Variants in TOMM20L observed in about 807,000 individuals in gnomAD.
The protein encoded by TOMM20L is translocase of outer mitochondrial membrane 20 like.
In TOMM20L, 19 loss-of-function variants were observed where a neutral mutation model predicts 20.4. The ratio of observed to expected loss-of-function variants is 0.93; its 90% CI spans 0.65 to 1.36. The LOEUF (loss-of-function observed/expected upper bound fraction) is 1.36. Among genes scored for constraint, TOMM20L ranks in the 40% most tolerant of loss-of-function variants. The pLI is 0.00. For synonymous variants in TOMM20L, 75 were observed against 79.6 expected, an observed-to-expected ratio of 0.94 and a Z score of 0.30; for missense variants, 218 against 203.7, an observed-to-expected ratio of 1.07 and a Z score of -0.43.
In TOMM20L at chr14:58,407,079, CAAGAGTATACTTCTAAACAGT is replaced by C. The variant is rs1460745320; in HGVS notation, c.263-234_263-214del. Among the ~76,000 whole-genome samples, 4 of 152,298 alleles carry C rather than the reference CAAGAGTATACTTCTAAACAGT, an allele frequency of 2.6e-5. No homozygotes were observed. In the South Asian group the frequency reaches 6.2e-4, roughly 24 times the overall value. On this transcript the variant is annotated intron_variant, in intron 3 of 4. Coordinates refer to ENST00000360945, the MANE Select transcript of TOMM20L (RefSeq NM_207377.3). ...TTATAGAACACGAGCATTTCCAATG[CAAGAGTATACTTCTAAACAGT>C]AAGAGTATACTTGCTGTAATTTGGC... is the stretch of plus-strand genomic sequence containing the variant.
intron 3 of TOMM20L, among the ~76,000 whole-genome samples, chr14:58,403,028 A>G (rs1291341124): frequency 1.3e-5 from 2 of 152,214 alleles, no homozygotes; most frequent in Non-Finnish European, 2.9e-5. Flanking sequence ...TAAAATTCTA[A>G]GTCAGTGAGT....
At position 58,408,651 on chromosome 14, in the gene TOMM20L, G is replaced by A. The variant is rs1330897320; in HGVS notation, c.*69G>A. 1 of 1,417,330 alleles carries A rather than the reference G, an allele frequency of 7.1e-7. No individual in the cohort carries two copies. Among genetic ancestry groups the A allele is most frequent in the African/African-American group, 1.5e-5 (1 of 68,334 alleles). 87.8% of individuals were successfully genotyped at this position (1,417,330 alleles called of 1,614,324 possible). On this transcript the variant is annotated 3_prime_UTR_variant, in exon 5 of 5. Transcript: ENST00000360945. Reference sequence around the variant, plus strand: ...ACCATACAGTATAAACAACTGCTCAGTGATATTTCCATTTATTTTACTTTG... The same window carrying A: ...ACCATACAGTATAAACAACTGCTCAATGATATTTCCATTTATTTTACTTTG...
At chr14:58,399,652 A>G (rs78402895) in intron 2 of TOMM20L, among the ~76,000 whole-genome samples, 123 of 151,670 alleles carry the variant, frequency 8.1e-4, no homozygotes, top group Non-Finnish European at 1.5e-3. Flanking sequence ...TGGTGTCCCA[A>G]GTTTCATCTG....
chr14:58,396,159 G>T, intron 1 of TOMM20L, 66 bp downstream of exon 1: 1 of 1,310,010 alleles, frequency 7.6e-7, no homozygotes, highest in Middle Eastern at 2.7e-4. Flanking sequence ...GGCCGGGAGG[G>T]CCCCCCACTG....
chr14:58,415,520 A>C, the TOMM20L span, among the ~76,000 whole-genome samples: 1 of 152,238 alleles, frequency 6.6e-6, no homozygotes, highest in African/African-American at 2.4e-5. Context: ...AATAGAAGAT[A>C]TCAAGACCCA....
chr14:58,412,586 G>A (rs906619042), downstream of TOMM20L, among the ~76,000 whole-genome samples: 1 of 152,018 alleles, frequency 6.6e-6, no homozygotes, highest in Non-Finnish European at 1.5e-5. Context: ...AACCAAGATG[G>A]TGAAGTTTGG....
the TOMM20L span, among the ~76,000 whole-genome samples, chr14:58,414,047 A>C: frequency 7.2e-6 from 1 of 139,012 alleles, no homozygotes; most frequent in Non-Finnish European, 1.6e-5. Context: ...GGTTTGTATA[A>C]AATAAAGCTG....
downstream of TOMM20L, chr14:58,409,288 A>C (rs2036132014): frequency 4.5e-6 from 5 of 1,114,220 alleles, no homozygotes; most frequent in South Asian, 5.9e-5. Context: ...TGAGAATTAA[A>C]TAGTACTAAT....
At chr14:58,399,912 A>G (rs2035971923) in intron 2 of TOMM20L, among the ~76,000 whole-genome samples, 1 of 135,752 alleles carries the variant, frequency 7.4e-6, no homozygotes, top group Admixed American at 7.4e-5. Context: ...ATATATATAT[A>G]TATATATATA....
intron 3 of TOMM20L, among the ~76,000 whole-genome samples, chr14:58,405,239 A>G (rs1438969866): frequency 6.6e-6 from 1 of 152,194 alleles, no homozygotes; most frequent in Non-Finnish European, 1.5e-5. Context: ...AAGTGCTGGG[A>G]TTACAGGCAT....
chr14:58,409,099 C>A (rs902837031), downstream of TOMM20L: 2 of 1,613,698 alleles, frequency 1.2e-6, no homozygotes, highest in Non-Finnish European at 1.7e-6. Flanking sequence ...ATATGATATT[C>A]CTGAAATCTC....
rs1262174701 is a variant in TOMM20L at position 58,408,610 on chromosome 14, G to C, written c.*28G>C. 6.2e-7 allele frequency: 1 copy of C among 1,603,496 alleles called. No homozygotes were observed. The highest frequency in any genetic ancestry group is 2.2e-5 in the East Asian group (1 of 44,804). ...AACATTTCAACGTATCCACAGTCCA[G>C]TGAGAATACTATGGTACCATACAGT... On this transcript the variant is annotated 3_prime_UTR_variant, in exon 5 of 5. Coordinates refer to ENST00000360945, the MANE Select transcript of TOMM20L (RefSeq NM_207377.3).
chr14:58,403,824 C>G lies in TOMM20L; in HGVS notation c.262+1063C>G, dbSNP rs532276089. ...CTGCACTCCAGCCTGGGCGACAGAG[C>G]GAGACTCCGGCTCAAAAATTAAATA... On this transcript the variant is annotated intron_variant, in intron 3 of 4. Coordinates refer to ENST00000360945, the MANE Select transcript of TOMM20L (RefSeq NM_207377.3). Among the ~76,000 whole-genome samples, 157 of 151,456 alleles carry G rather than the reference C, an allele frequency of 1.0e-3. 1 individual carries two copies. The highest frequency in any genetic ancestry group is 1.9e-3 in the Non-Finnish European group (128 of 67,918).
intron 2 of TOMM20L, among the ~76,000 whole-genome samples, chr14:58,400,629 C>T (rs1475908791): frequency 6.6e-6 from 1 of 151,846 alleles, no homozygotes; most frequent in African/African-American, 2.4e-5. Flanking sequence ...CCTGTAATCC[C>T]AGCACTTTGG....
chr14:58,409,900 A>G (rs1406371798), downstream of TOMM20L, among the ~76,000 whole-genome samples: 2 of 151,830 alleles, frequency 1.3e-5, no homozygotes, highest in African/African-American at 2.4e-5. Context: ...TTTTTGAGAC[A>G]GGTTCTCTCT....
chr14:58,414,736 CAAA>C, the TOMM20L span, among the ~76,000 whole-genome samples: 1 of 117,552 alleles, frequency 8.5e-6, no homozygotes, highest in African/African-American at 3.3e-5. Flanking sequence ...GACGCCATCT[CAAA>C]AAAAAAAAAA....
At chr14:58,400,319 C>T (rs2035978251) in intron 2 of TOMM20L, among the ~76,000 whole-genome samples, 2 of 151,226 alleles carry the variant, frequency 1.3e-5, no homozygotes, top group South Asian at 2.1e-4. Context: ...GCAAGAGAAT[C>T]GCTTGAACCT....
downstream of TOMM20L, among the ~76,000 whole-genome samples, chr14:58,412,264 C>T (rs943504324): frequency 8.5e-5 from 13 of 152,176 alleles, no homozygotes; most frequent in African/African-American, 3.1e-4. Flanking sequence ...GCCTCAGCCT[C>T]CTGAGTAGCT....
intron 3 of TOMM20L, among the ~76,000 whole-genome samples, chr14:58,404,481 G>C (rs2036034126): frequency 6.6e-6 from 1 of 150,752 alleles, no homozygotes; most frequent in Middle Eastern, 3.5e-3. Context: ...GCCTGTACCT[G>C]TTTTTGCCTT....
Sources: gnomAD v4.1 joint callset for allele counts (sites outside exome capture counted in the v4.1 genomes callset) on GRCh38, gnomAD v4.1.1 for gene constraint, MANE v1.5 for transcripts, NCBI Gene and HGNC (gene_info 2026-07-23, HGNC 2026-07-21) for gene names.